The following SLC34A2 variants were observed in gnomAD, a reference collection of about 807,000 sequenced individuals.
SLC34A2 encodes solute carrier family 34 member 2.
In SLC34A2, 41 loss-of-function variants were observed where a neutral mutation model predicts 50.8. The ratio of observed to expected loss-of-function variants is 0.81; its 90% CI spans 0.63 to 1.05. The LOEUF (loss-of-function observed/expected upper bound fraction) is 1.05. Ranked by LOEUF, SLC34A2 falls within the 50% of genes least tolerant of loss-of-function variation. SLC34A2 has a pLI of 0.00. For missense variants in SLC34A2, 879 were observed against 876.7 expected (o/e 1.00, Z -0.03); for synonymous variants, 401 against 364.2 (o/e 1.10, Z -1.15).
chr4:25,671,850 C>A, intron 9 of SLC34A2, 129 bp downstream of exon 9: 2 of 1,250,600 alleles, frequency 1.6e-6, no homozygotes, highest in South Asian at 1.2e-5. Flanking sequence ...CTACATCAAG[C>A]AGTGAGCAAC....
Position 25,664,317 on chromosome 4 carries a change from C to T in SLC34A2, c.366C>T (p.Phe122=). The T allele has an allele frequency of 6.2e-7, 1 of 1,613,988 alleles. No homozygotes were observed. Among genetic ancestry groups the T allele is most frequent in the Non-Finnish European group, 8.5e-7 (1 of 1,180,002 alleles). Residue 122 remains phenylalanine, a synonymous_variant, in exon 4 of 13, where the codon TTC becomes TTT. Coordinates refer to ENST00000382051, the MANE Select transcript of SLC34A2 (RefSeq NM_006424.3). ...CCCTGGATATTCTTAGTAGCGCCTT[C>T]CAGCTGGTTGGAGGTAAGAATGAAA... ...VCSLDILSSA[F]QLVGGKMAGQ...
At chr4:25,667,820 C>A in intron 5 of SLC34A2, 60 bp from the exon 6 acceptor site, 1 of 1,140,004 alleles carries the variant, frequency 8.8e-7, no homozygotes, top group Non-Finnish European at 1.3e-6. Flanking sequence ...GCATAGGTAA[C>A]TTTAGCCTGC....
In SLC34A2 at chr4:25,673,145, C is replaced by T. The variant is rs1447307525; in HGVS notation, c.1107C>T (p.Leu369=). 15 of 1,614,012 alleles carry T rather than the reference C, an allele frequency of 9.3e-6. No individual in the cohort carries two copies. Among genetic ancestry groups the T allele is most frequent in the Non-Finnish European group, 1.2e-5 (14 of 1,180,030 alleles). Residue 369 remains leucine (L), a synonymous_variant, in exon 10 of 13, where the codon CTC becomes CTT. Transcript: ENST00000382051. ...LPDLAVGTIL[L]ILSLLVLCGC... is the part of the protein sequence containing the mutation. ...ATCTTGCTGTGGGCACCATCTTGCT[C>T]ATACTCTCCCTGCTGGTCCTCTGTG...
At position 25,662,540 on chromosome 4, in the gene SLC34A2, C is replaced by T. The variant is rs1190839863; in HGVS notation, c.40C>T (p.Pro14Ser). The T allele has an allele frequency of 1.9e-6, 3 of 1,614,100 alleles. No homozygotes were observed. The highest frequency in any genetic ancestry group is 2.5e-6 in the Non-Finnish European group (3 of 1,180,036). ...WPELGDAQPN[P>S]DKYLEGAAGQ... ...TGAATTGGGAGATGCCCAGCCCAAC[C>T]CCGATAAGTACCTCGAAGGGGCCGC... The change falls in exon 2 of 13, where the codon CCC (proline) becomes TCC (serine). Residue 14 changes from proline to serine, a missense_variant. Coordinates refer to ENST00000382051, the MANE Select transcript of SLC34A2 (RefSeq NM_006424.3).
chr4:25,673,400 C>A (rs1341586735), intron 10 of SLC34A2, 146 bp downstream of exon 10: 4 of 871,120 alleles, frequency 4.6e-6, no homozygotes, highest in Non-Finnish European at 7.3e-6. Flanking sequence ...TGTCATTCAC[C>A]TGGAAATGTT....
rs554816686 is a variant in SLC34A2, at chr4:25,660,801, T to C, written c.-3-1697T>C. On this transcript the variant is annotated intron_variant, in intron 1 of 12. Transcript: ENST00000382051. ...CTCAGATGATCCACCTGCCTCGGCTTCCCAAAGTGTTGGGTTTACAGGCAT... is the reference window on the plus strand; with the variant it reads ...CTCAGATGATCCACCTGCCTCGGCTCCCCAAAGTGTTGGGTTTACAGGCAT... 2.6e-5 allele frequency among the ~76,000 whole-genome samples: 4 copies of C among 152,342 alleles called. No homozygotes were observed. The South Asian group carries it at 8.3e-4, about 32-fold the overall frequency.
chr4:25,674,699 T>G, intron 12 of SLC34A2, 70 bp downstream of exon 12: 19 of 1,592,634 alleles, frequency 1.2e-5, no homozygotes, highest in African/African-American at 2.7e-5. Context: ...AACTGGTCTC[T>G]AACAAGAGCC....
intron 1 of SLC34A2, among the ~76,000 whole-genome samples, chr4:25,660,638 C>G (rs1334029201): frequency 1.3e-5 from 2 of 152,136 alleles, no homozygotes; most frequent in African/African-American, 4.8e-5. Flanking sequence ...CTCCACCTCC[C>G]AGATTCAAGT....
intron 1 of SLC34A2, chr4:25,656,496 C>G (rs192280912): frequency 1.3e-5 from 2 of 152,308 alleles, no homozygotes; most frequent in Non-Finnish European, 2.9e-5. Flanking sequence ...TGGCCATCAG[C>G]GAAGGGTCCG....
At chr4:25,674,433 T>G in intron 11 of SLC34A2, 21 bp downstream of exon 11, 3 of 1,614,160 alleles carry the variant, frequency 1.9e-6, no homozygotes, top group Non-Finnish European at 2.5e-6. Flanking sequence ...CCCTGGCTTC[T>G]CCCTCTGGCC....
chr4:25,670,060 T>C (rs1714734692), intron 7 of SLC34A2, among the ~76,000 whole-genome samples: 1 of 152,136 alleles, frequency 6.6e-6, no homozygotes, highest in Non-Finnish European at 1.5e-5. Flanking sequence ...CTGTCTATAC[T>C]AAAATGCAAA....
rs147732740 is a variant in SLC34A2 at position 25,676,213 on chromosome 4, C to T, written c.1537C>T (p.Arg513Cys). The T allele has an allele frequency of 9.9e-6, 16 of 1,614,102 alleles. No individual in the cohort carries two copies. The highest frequency in any genetic ancestry group is 2.7e-5 in the African/African-American group (2 of 74,930). The change falls in exon 13 of 13, where the codon CGC becomes TGC. Residue 513 changes from arginine to cysteine, a missense_variant. Physicochemically the swap from Arg to Cys is radical, Grantham distance 180. Coordinates refer to ENST00000382051, the MANE Select transcript of SLC34A2 (RefSeq NM_006424.3). The stretch of plus-strand genomic sequence containing the variant: ...GATCCCGTTCACTCGCCTGCCCATC[C>T]GCATGGCCAAGGGGCTGGGCAACAT... The part of the protein sequence containing the change: ...YPIPFTRLPI[R>C]MAKGLGNISA...
intron 9 of SLC34A2, among the ~76,000 whole-genome samples, chr4:25,672,461 T>G (rs1336427747): frequency 6.6e-6 from 1 of 152,168 alleles, no homozygotes; most frequent in African/African-American, 2.4e-5. Flanking sequence ...AGCTGTAATG[T>G]TTTTTCCAAC....
Position 25,676,127 on chromosome 4 carries a change from T to A in SLC34A2, c.1459-8T>A. The A allele has an allele frequency of 6.2e-7, 1 of 1,613,894 alleles. No individual in the cohort carries two copies. Among genetic ancestry groups the A allele is most frequent in the Non-Finnish European group, 8.5e-7 (1 of 1,180,030 alleles). ...GGCCCCTCACCTGTCCAACCTCTTG[T>A]GTTGCAGATCGCCCTGTGCCACTTT... On this transcript the variant is annotated splice_polypyrimidine_tract_variant and splice_region_variant and intron_variant, in intron 12 of 12. Transcript: ENST00000382051.
intron 3 of SLC34A2, 131 bp from the exon 4 acceptor site, chr4:25,664,071 C>T: frequency 1.1e-6 from 1 of 896,838 alleles, no homozygotes; most frequent in Non-Finnish European, 1.9e-6. Context: ...GACATAAGAA[C>T]TTAACGGCTG....
At chr4:25,662,997 C>T (rs1255785686) in intron 3 of SLC34A2, among the ~76,000 whole-genome samples, 155 bp downstream of exon 3, 9 of 150,892 alleles carry the variant, frequency 6.0e-5, no homozygotes, top group Non-Finnish European at 5.9e-5. Context: ...TTTTTTTAGA[C>T]GGAGTCTTGC....
At chr4:25,667,798 T>C (rs1436530819) in intron 5 of SLC34A2, 82 bp from the exon 6 acceptor site, 6 of 876,182 alleles carry the variant, frequency 6.8e-6, no homozygotes, top group African/African-American at 1.6e-5. Flanking sequence ...ACTACTTCTT[T>C]AGAGGATACC....
At position 25,666,143 on chromosome 4, in the gene SLC34A2, A is replaced by T. The variant is rs759265646; in HGVS notation, c.395A>T (p.Gln132Leu). The T allele has an allele frequency of 1.9e-6, 3 of 1,613,816 alleles. No homozygotes were observed. The highest frequency in any genetic ancestry group is 2.2e-5 in the South Asian group (2 of 91,082). Residue 132 changes from glutamine to leucine, a missense_variant, in exon 5 of 13, where the codon CAG (glutamine) becomes CTG (leucine). By Grantham distance (113) the Gln-to-Leu change is moderately radical. Transcript: ENST00000382051. ...TTTTTCCCAGGAAAAATGGCAGGACAGTTCTTCAGCAACAGCTCTATTATG... is the reference window on the plus strand; with the variant it reads ...TTTTTCCCAGGAAAAATGGCAGGACTGTTCTTCAGCAACAGCTCTATTATG... ...FQLVGGKMAG[Q>L]FFSNSSIMSN...
chr4:25,669,981 G>T (rs1714729443), intron 7 of SLC34A2, 139 bp downstream of exon 7: 8 of 822,868 alleles, frequency 9.7e-6, no homozygotes, highest in Non-Finnish European at 1.4e-5. Flanking sequence ...CCAGCACTTT[G>T]GGAGGCCGAG....
Sources: gnomAD v4.1 joint callset for allele counts (sites outside exome capture counted in the v4.1 genomes callset) on GRCh38, gnomAD v4.1.1 for gene constraint, MANE v1.5 for transcripts, NCBI Gene and HGNC (gene_info 2026-07-23, HGNC 2026-07-21) for gene names.